Variants in FOXP2 observed in about 807,000 individuals in gnomAD.
FOXP2 encodes forkhead box P2, also known as forkhead box protein P2.
FOXP2 carries 12 observed loss-of-function variants against 115.8 expected under a neutral mutation model. That is an observed-to-expected ratio of 0.10 (90% CI 0.07 to 0.17). The LOEUF (loss-of-function observed/expected upper bound fraction) is 0.17, where lower values mean the gene tolerates loss of function less well. FOXP2 is among the 10% of genes least tolerant of loss of function. FOXP2 has a pLI of 1.00. For synonymous variants in FOXP2, 328 were observed against 297.7 expected (o/e 1.10, Z -1.05); for missense variants, 629 against 843.5 (o/e 0.75, Z 3.15).
chr7:114,436,593 C>G (rs1168539601), intron 2 of FOXP2, among the ~76,000 whole-genome samples: 1 of 151,482 alleles, frequency 6.6e-6, no homozygotes, highest in Non-Finnish European at 1.5e-5. Flanking sequence ...AAATAAAATA[C>G]CGAGCAAAAA....
chr7:114,560,663 A>G (rs912814175), intron 3 of FOXP2, among the ~76,000 whole-genome samples: 1 of 152,278 alleles, frequency 6.6e-6, no homozygotes, highest in South Asian at 2.1e-4. Flanking sequence ...GCAATTTTTA[A>G]TTACTTCACT....
intron 3 of FOXP2, among the ~76,000 whole-genome samples, chr7:114,604,866 G>A (rs1266501105): frequency 6.6e-6 from 1 of 152,088 alleles, no homozygotes; most frequent in Non-Finnish European, 1.5e-5. Flanking sequence ...TAAGCGTAGT[G>A]ACCCAGACCT....
At chr7:114,498,801 G>A (rs1291081110) in intron 2 of FOXP2, 2 of 714,776 alleles carry the variant, frequency 2.8e-6, no homozygotes, top group Non-Finnish European at 5.2e-6. Context: ...TTTTTTGGGG[G>A]TATATGTCAG....
intron 2 of FOXP2, among the ~76,000 whole-genome samples, chr7:114,529,771 G>C (rs1405521120): frequency 6.6e-6 from 1 of 151,706 alleles, no homozygotes; most frequent in Non-Finnish European, 1.5e-5. Flanking sequence ...CCAATTAGAT[G>C]ATTAATTTTC....
intron 1 of FOXP2, among the ~76,000 whole-genome samples, chr7:114,120,057 C>A (rs987459305): frequency 5.9e-5 from 9 of 152,136 alleles, no homozygotes; most frequent in African/African-American, 1.9e-4. Context: ...TCTGACATCT[C>A]ATCATTTAGC....
At chr7:114,231,446 A>T (rs947186881) in intron 1 of FOXP2, among the ~76,000 whole-genome samples, 2 of 152,288 alleles carry the variant, frequency 1.3e-5, no homozygotes, top group South Asian at 4.1e-4. Context: ...ATGGCTGGAG[A>T]CCTCACACAT....
intron 3 of FOXP2, among the ~76,000 whole-genome samples, chr7:114,628,116 C>T (rs1461254673): frequency 2.0e-5 from 3 of 151,990 alleles, no homozygotes; most frequent in Non-Finnish European, 4.4e-5. Context: ...CATTTATATG[C>T]ATATTTCCAA....
intron 2 of FOXP2, among the ~76,000 whole-genome samples, chr7:114,360,139 C>G (rs1225185439): frequency 2.6e-5 from 4 of 152,104 alleles, no homozygotes; most frequent in African/African-American, 9.7e-5. Flanking sequence ...GTATAAATCT[C>G]ACAATATCTG....
intron 2 of FOXP2, among the ~76,000 whole-genome samples, chr7:114,360,613 T>C (rs1791723693): frequency 6.6e-6 from 1 of 152,150 alleles, no homozygotes; most frequent in South Asian, 2.1e-4. Context: ...CCCAGGAAGT[T>C]TGGTTTTCTG....
At chr7:114,627,653 A>T (rs572767811) in intron 3 of FOXP2, among the ~76,000 whole-genome samples, 1 of 151,710 alleles carries the variant, frequency 6.6e-6, no homozygotes, top group East Asian at 1.9e-4. Context: ...TTTCTCCTTT[A>T]TATCTTTTTC....
At chr7:114,229,164 T>A (rs912185983) in intron 1 of FOXP2, among the ~76,000 whole-genome samples, 1 of 151,138 alleles carries the variant, frequency 6.6e-6, no homozygotes, top group East Asian at 1.9e-4. Flanking sequence ...AAACTTTATA[T>A]AATGATAAAA....
intron 2 of FOXP2, among the ~76,000 whole-genome samples, chr7:114,472,263 G>A (rs1796082687): frequency 2.6e-5 from 4 of 151,280 alleles, no homozygotes; most frequent in African/African-American, 7.3e-5. Context: ...CAGTAACATA[G>A]TAAATAACTT....
At chr7:114,112,551 C>T (rs1211125391) in intron 1 of FOXP2, among the ~76,000 whole-genome samples, 2 of 152,052 alleles carry the variant, frequency 1.3e-5, no homozygotes, top group African/African-American at 2.4e-5. Flanking sequence ...CCACCCACCT[C>T]GGCCTCCCAA....
intron 1 of FOXP2, among the ~76,000 whole-genome samples, chr7:114,273,483 A>G (rs565459220): frequency 6.6e-6 from 1 of 152,106 alleles, no homozygotes; most frequent in East Asian, 1.9e-4. Context: ...ATGGTGTTGT[A>G]TTCAACTATG....
At chr7:114,265,898 G>GAA (rs1795882025) in intron 1 of FOXP2, among the ~76,000 whole-genome samples, 1 of 152,104 alleles carries the variant, frequency 6.6e-6, no homozygotes, top group South Asian at 2.1e-4. Flanking sequence ...GAGCTTGAGT[G>GAA]GCCTGGTTTC....
intron 3 of FOXP2, among the ~76,000 whole-genome samples, chr7:114,546,407 C>A (rs1311197230): frequency 2.6e-5 from 4 of 152,226 alleles, no homozygotes; most frequent in African/African-American, 9.6e-5. Flanking sequence ...TACATTACAA[C>A]CATGACTTAA....
intron 2 of FOXP2, among the ~76,000 whole-genome samples, chr7:114,515,982 G>A (rs1584835871): frequency 6.6e-6 from 1 of 152,088 alleles, no homozygotes; most frequent in Admixed American, 6.6e-5. Flanking sequence ...TGGCTATACT[G>A]CCCAAGGTAA....
Position 114,692,885 on chromosome 7 carries a change from A to G in FOXP2, c.*2959A>G, listed in dbSNP as rs756173848. On this transcript the variant is annotated 3_prime_UTR_variant, in exon 17 of 17. Transcript: ENST00000350908. Reference sequence around the variant, plus strand: ...CTTTTCATTACTGTGTACTATGTTCATACTTTGAATTCTCTGACGTTAGAA... The same window carrying G: ...CTTTTCATTACTGTGTACTATGTTCGTACTTTGAATTCTCTGACGTTAGAA... 1.1e-5 allele frequency: 5 copies of G among 454,102 alleles called. No individual in the cohort carries two copies. Among genetic ancestry groups the G allele is most frequent in the South Asian group, 7.8e-5 (5 of 64,466 alleles). The allele number at this position is 454,102 out of a possible 1,614,324, so 28.1% of individuals were successfully genotyped here.
chr7:114,351,943 T>C (rs1041038403), intron 2 of FOXP2, among the ~76,000 whole-genome samples: 1 of 152,110 alleles, frequency 6.6e-6, no homozygotes, highest in Non-Finnish European at 1.5e-5. Flanking sequence ...CAGATGTTAG[T>C]TCCATGTCTG....
Sources: allele counts gnomAD v4.1 joint callset (sites outside exome capture counted in the v4.1 genomes callset), GRCh38; gene constraint gnomAD v4.1.1; transcripts MANE v1.5; gene names NCBI Gene and HGNC (gene_info 2026-07-23, HGNC 2026-07-21).